RUFY3: variants seen among roughly 807,000 people sequenced by gnomAD.
RUFY3 encodes protein RUFY3.
In RUFY3, 34 loss-of-function variants were observed where a neutral mutation model predicts 84.0. The observed-to-expected ratio is 0.40, with a 90% CI of 0.31 to 0.54. The LOEUF (loss-of-function observed/expected upper bound fraction) is 0.54, where lower values mean the gene tolerates loss of function less well. Among genes scored for constraint, RUFY3 ranks in the 20% least tolerant of loss-of-function variants. The pLI, the probability that RUFY3 is intolerant of heterozygous loss-of-function variation, is 0.39. For missense variants in RUFY3, 507 were observed against 736.8 expected, an observed-to-expected ratio of 0.69 and a Z score of 3.61; for synonymous variants, 242 against 252.9, an observed-to-expected ratio of 0.96 and a Z score of 0.41.
At position 70,796,797 on chromosome 4, in the gene RUFY3, C is replaced by G. The variant is rs568338512; in HGVS notation, c.1557+1903C>G. Among the ~76,000 whole-genome samples, 101 of 152,156 alleles carry G rather than the reference C, an allele frequency of 6.6e-4. 1 individual carries two copies. Among genetic ancestry groups the G allele is most frequent in the Non-Finnish European group, 1.3e-4 (9 of 68,030 alleles). The stretch of plus-strand genomic sequence containing the variant: ...CACTTCTTTGGGGACAATCCTAAAG[C>G]ATTGTCCCCAAAAGCTTTTTGTAAA... On this transcript the variant is annotated intron_variant, in intron 14 of 17. Transcript: ENST00000381006.
intron 1 of RUFY3, among the ~76,000 whole-genome samples, chr4:70,738,739 A>AT (rs916604641): frequency 4.6e-5 from 7 of 150,676 alleles, no homozygotes; most frequent in African/African-American, 1.7e-4. Flanking sequence ...ATTTTATTTT[A>AT]TTTTATTTTT....
intron 1 of RUFY3, among the ~76,000 whole-genome samples, chr4:70,760,892 G>T (rs1280624409): frequency 1.3e-5 from 2 of 152,186 alleles, no homozygotes; most frequent in Non-Finnish European, 2.9e-5. Flanking sequence ...AGTTGGAATT[G>T]CAAATCCGTA....
chr4:70,750,569 A>G (rs1022089187), intron 1 of RUFY3, among the ~76,000 whole-genome samples: 1 of 152,220 alleles, frequency 6.6e-6, no homozygotes, highest in Non-Finnish European at 1.5e-5. Flanking sequence ...TCACCACTTT[A>G]AAGTGTACAA....
intron 10 of RUFY3, among the ~76,000 whole-genome samples, chr4:70,785,564 C>A (rs928509996): frequency 4.6e-5 from 7 of 151,938 alleles, no homozygotes; most frequent in Admixed American, 1.3e-4. Flanking sequence ...CACAGTGGCT[C>A]ACACCTGTAA....
At position 70,760,200 on chromosome 4, in the gene RUFY3, G is replaced by A. The variant is rs150004721; in HGVS notation, c.179-2319G>A. 8.4e-3 allele frequency among the ~76,000 whole-genome samples: 1,283 copies of A among 152,272 alleles called. 8 individuals are homozygous for A. Among genetic ancestry groups the A allele is most frequent in the Non-Finnish European group, 0.015 (991 of 68,022 alleles). ...GCCAGATGTCTTAAACATTTCTGCT[G>A]CAGATTATAAGAAGAACAAGATGAG... On this transcript the variant is annotated intron_variant, in intron 1 of 17. Transcript: ENST00000381006.
At chr4:70,775,073 C>T in intron 6 of RUFY3, 95 bp from the exon 7 acceptor site, 7 of 828,150 alleles carry the variant, frequency 8.5e-6, no homozygotes, top group Admixed American at 4.8e-5. Context: ...CAATTTTTTT[C>T]TCATGTTTTA....
At chr4:70,729,506 C>T (rs1270295830) in intron 1 of RUFY3, among the ~76,000 whole-genome samples, 2 of 152,168 alleles carry the variant, frequency 1.3e-5, no homozygotes, top group African/African-American at 2.4e-5. Flanking sequence ...GATCTGCCCA[C>T]CTCTGTCTCC....
At chr4:70,733,073 A>G (rs564055521) in intron 1 of RUFY3, among the ~76,000 whole-genome samples, 13 of 112,458 alleles carry the variant, frequency 1.2e-4, no homozygotes, top group East Asian at 7.9e-4. Flanking sequence ...TTTCAAAAGA[A>G]AGAGAGAGAG....
At chr4:70,727,273 C>T (rs772891244) in intron 1 of RUFY3, among the ~76,000 whole-genome samples, 3 of 149,818 alleles carry the variant, frequency 2.0e-5, no homozygotes, top group Admixed American at 6.6e-5. Flanking sequence ...TTTTAAGTCA[C>T]ATGCTCATAT....
chr4:70,722,054 T>C lies in RUFY3; in HGVS notation c.-520T>C. ...CAGCATCCCAGCTCATCTGAGCAGA[T>C]CCTGGAAGTGATTTCTGCAGCTCAG... On this transcript the variant is annotated 5_prime_UTR_variant, in exon 1 of 18. Transcript: ENST00000381006. The C allele has an allele frequency of 8.1e-7, 1 of 1,232,148 alleles. No homozygotes were observed. The highest frequency in any genetic ancestry group is 1.0e-6 in the Non-Finnish European group (1 of 987,970). The allele number at this position is 1,232,148 out of a possible 1,614,324, so 76.3% of individuals were successfully genotyped here. A position where few individuals can be genotyped will look rare whatever the true frequency, so the allele number is the denominator to read the frequency against.
intron 14 of RUFY3, among the ~76,000 whole-genome samples, chr4:70,797,050 C>A (rs940826336): frequency 5.9e-5 from 9 of 151,740 alleles, no homozygotes; most frequent in African/African-American, 2.2e-4. Flanking sequence ...AGGTGATCCT[C>A]CTGCCTCAGC....
At chr4:70,744,235 G>T (rs1472026784) in intron 1 of RUFY3, among the ~76,000 whole-genome samples, 2 of 151,720 alleles carry the variant, frequency 1.3e-5, no homozygotes, top group Non-Finnish European at 1.5e-5. Context: ...GTATCACTCT[G>T]TTGCCCAGGC....
In RUFY3 at chr4:70,714,421, GTC is replaced by G. The variant is rs1741345764; in HGVS notation, c.358+9129_358+9130del. Among the ~76,000 whole-genome samples, 3 of 152,226 alleles carry G rather than the reference GTC, an allele frequency of 2.0e-5. No homozygotes were observed. The South Asian group carries it at 6.2e-4, about 32-fold the overall frequency. On this transcript the variant is annotated intron_variant, in intron 1 of 11. Transcript: ENST00000417478. The stretch of plus-strand genomic sequence containing the variant: ...AAGACTTTCCTAAACACCTAAAATT[GTC>G]TGTTTCTTGTCTATTGCCTTGTTCT...
At chr4:70,803,355 A>G (rs1291875367) in intron 16 of RUFY3, among the ~76,000 whole-genome samples, 1 of 152,214 alleles carries the variant, frequency 6.6e-6, no homozygotes, top group African/African-American at 2.4e-5. Flanking sequence ...CTAATAGTAT[A>G]TGATAAGCCC....
chr4:70,792,722 T>TTTAC, intron 12 of RUFY3: 1 of 985,194 alleles, frequency 1.0e-6, no homozygotes, highest in Non-Finnish European at 1.2e-6. Context: ...GAATTAAGAG[T>TTTAC]GTAAGATAGA....
At chr4:70,778,264 T>A (rs1431233818) in intron 7 of RUFY3, 105 bp from the exon 8 acceptor site, 1 of 457,640 alleles carries the variant, frequency 2.2e-6, no homozygotes, top group African/African-American at 2.1e-5. Context: ...AATAAAAAAT[T>A]ATGAACATTA....
chr4:70,726,299 A>C (rs1050463271), intron 1 of RUFY3, among the ~76,000 whole-genome samples: 2 of 152,236 alleles, frequency 1.3e-5, no homozygotes, highest in Non-Finnish European at 2.9e-5. Context: ...GGAATATAGA[A>C]GGAAGAGAAC....
At chr4:70,720,669 C>G (rs1742169487), upstream of RUFY3, among the ~76,000 whole-genome samples, 1 of 152,134 alleles carries the variant, frequency 6.6e-6, no homozygotes, top group African/African-American at 2.4e-5. Flanking sequence ...ATAACAATCC[C>G]TAGAAAGGAA....
chr4:70,731,040 C>CT (rs1321175989), intron 1 of RUFY3, among the ~76,000 whole-genome samples: 4,623 of 141,442 alleles, frequency 0.033, 190 homozygotes, highest in African/African-American at 0.094. Context: ...TGATTGCCAT[C>CT]TTTTTTTTTT....
Sources: gnomAD v4.1 joint callset for allele counts (sites outside exome capture counted in the v4.1 genomes callset) on GRCh38, gnomAD v4.1.1 for gene constraint, MANE v1.5 for transcripts, NCBI Gene and HGNC (gene_info 2026-07-23, HGNC 2026-07-21) for gene names.